Variants in BMPR2 observed in about 807,000 individuals in gnomAD.
The protein encoded by BMPR2 is bone morphogenetic protein receptor type-2.
In BMPR2, 29 loss-of-function variants were observed where a neutral mutation model predicts 100.8. That is an observed-to-expected ratio of 0.29 (90% CI 0.21 to 0.39). The LOEUF is 0.39. Among genes scored for constraint, BMPR2 ranks in the 10% least tolerant of loss-of-function variants. The pLI, the probability that BMPR2 is intolerant of heterozygous loss-of-function variation, is 1.00. For synonymous variants in BMPR2, 382 were observed against 442.3 expected (o/e 0.86, Z 1.71); for missense variants, 1,011 against 1,274.5 (o/e 0.79, Z 3.15).
chr2:202,391,549 C>G (rs1391026100), intron 1 of BMPR2, among the ~76,000 whole-genome samples: 2 of 150,424 alleles, frequency 1.3e-5, no homozygotes, highest in Non-Finnish European at 2.9e-5. Context: ...GCCTTGGCGT[C>G]CCAAAGTCCT....
chr2:202,556,943 C>T (rs975944370), intron 12 of BMPR2, among the ~76,000 whole-genome samples: 7 of 151,642 alleles, frequency 4.6e-5, no homozygotes, highest in East Asian at 1.9e-4. Context: ...ATTAGCCAGG[C>T]GTGGTGGCGT....
chr2:202,450,623 G>A (rs561742424), intron 1 of BMPR2, among the ~76,000 whole-genome samples: 1 of 151,068 alleles, frequency 6.6e-6, no homozygotes, highest in South Asian at 2.1e-4. Flanking sequence ...CCTGGGAGGC[G>A]GAGGTTGCAG....
chr2:202,401,758 C>A (rs1690772795), intron 1 of BMPR2, among the ~76,000 whole-genome samples: 1 of 152,174 alleles, frequency 6.6e-6, no homozygotes, highest in African/African-American at 2.4e-5. Context: ...ATTAAGGAAT[C>A]ATGCAGCATC....
At position 202,436,825 on chromosome 2, in the gene BMPR2, C is replaced by T. The variant is rs1302626264; in HGVS notation, c.77-27984C>T. Among the ~76,000 whole-genome samples the T allele has an allele frequency of 4.0e-5, 6 of 150,608 alleles. 1 individual carries two copies. Among genetic ancestry groups the T allele is most frequent in the African/African-American group, 1.5e-4 (6 of 39,984 alleles). ...CTCAGCCCGAATTGGCTTTGTTAAA[C>T]TTGGAAGTTTTTCAAGAAACATGAC... On this transcript the variant is annotated intron_variant, in intron 1 of 12. Coordinates refer to ENST00000374580, the MANE Select transcript of BMPR2 (RefSeq NM_001204.7).
At chr2:202,476,015 A>C (rs1021598862) in intron 3 of BMPR2, among the ~76,000 whole-genome samples, 3 of 148,968 alleles carry the variant, frequency 2.0e-5, no homozygotes, top group Non-Finnish European at 4.4e-5. Flanking sequence ...CGGAGGTTGC[A>C]GTGAGCCAAG....
intron 3 of BMPR2, 110 bp downstream of exon 3, chr2:202,467,799 C>A: frequency 8.7e-7 from 1 of 1,149,486 alleles, no homozygotes; most frequent in Non-Finnish European, 1.3e-6. Flanking sequence ...TGGCTCATGC[C>A]TGTAATGCCA....
chr2:202,521,442 C>T (rs1687817917), intron 7 of BMPR2, among the ~76,000 whole-genome samples: 1 of 151,982 alleles, frequency 6.6e-6, no homozygotes, highest in Non-Finnish European at 1.5e-5. Context: ...TGGCATGCAC[C>T]TGTAGTCGCA....
chr2:202,390,442 C>T (rs542650547), intron 1 of BMPR2, among the ~76,000 whole-genome samples: 1 of 151,792 alleles, frequency 6.6e-6, no homozygotes, highest in African/African-American at 2.4e-5. Context: ...AAGCCATCCT[C>T]CTGCCTCAGC....
chr2:202,405,735 G>C (rs1259949325), intron 1 of BMPR2, among the ~76,000 whole-genome samples: 2 of 148,648 alleles, frequency 1.3e-5, no homozygotes, highest in Non-Finnish European at 3.0e-5. Flanking sequence ...GCTGCTAAAG[G>C]TACTAAAATA....
At chr2:202,520,268 T>C (rs778763656) in intron 7 of BMPR2, 67 bp downstream of exon 7, 26 of 1,027,482 alleles carry the variant, frequency 2.5e-5, no homozygotes, top group Non-Finnish European at 3.5e-5. Context: ...AAATTTTAAT[T>C]ATATCTTCAA....
intron 12 of BMPR2, among the ~76,000 whole-genome samples, chr2:202,559,176 C>T (rs2105715611): frequency 6.6e-6 from 1 of 152,012 alleles, no homozygotes; most frequent in Non-Finnish European, 1.5e-5. Context: ...GTGGCATGCG[C>T]CTGTAGTCCC....
chr2:202,501,946 C>T (rs758212569), intron 3 of BMPR2, among the ~76,000 whole-genome samples: 1 of 152,156 alleles, frequency 6.6e-6, no homozygotes. Context: ...ACCTATATAA[C>T]GATGGAAGTT....
At chr2:202,378,769 T>G (rs1690211091) in intron 1 of BMPR2, among the ~76,000 whole-genome samples, 1 of 152,308 alleles carries the variant, frequency 6.6e-6, no homozygotes, top group Admixed American at 6.5e-5. Flanking sequence ...GCTTTCAGAG[T>G]AAAAATGATT....
At chr2:202,515,144 A>G (rs1687690446) in intron 5 of BMPR2, among the ~76,000 whole-genome samples, 165 bp downstream of exon 5, 1 of 152,200 alleles carries the variant, frequency 6.6e-6, no homozygotes, top group Non-Finnish European at 1.5e-5. Context: ...ATAGGTGAAC[A>G]ATGTCTCCTG....
chr2:202,432,873 T>C (rs1013193800), intron 1 of BMPR2, among the ~76,000 whole-genome samples: 1 of 150,610 alleles, frequency 6.6e-6, no homozygotes, highest in Admixed American at 6.6e-5. Context: ...TTGTTGTCGT[T>C]GTTGTTAACT....
In BMPR2 at chr2:202,523,829, G is replaced by A. The variant is rs1447165014; in HGVS notation, c.967+3628G>A. Among the ~76,000 whole-genome samples the A allele has an allele frequency of 3.3e-5, 5 of 151,094 alleles. No homozygotes were observed. In the South Asian group the frequency reaches 6.3e-4, roughly 19 times the overall value. On this transcript the variant is annotated intron_variant, in intron 7 of 12. Transcript: ENST00000374580. ...CAAAAAGAAAAAAGAAAAAGAAAATGTGTTACACATACACCATCGAGTACT... is the reference window on the plus strand; with the variant it reads ...CAAAAAGAAAAAAGAAAAAGAAAATATGTTACACATACACCATCGAGTACT...
intron 7 of BMPR2, among the ~76,000 whole-genome samples, chr2:202,528,785 TG>T (rs1687964963): frequency 6.6e-6 from 1 of 152,236 alleles, no homozygotes; most frequent in Admixed American, 6.5e-5. Context: ...TTCCCACCAC[TG>T]TAAAGTTGAG....
chr2:202,546,185 C>A (rs1238106212), intron 10 of BMPR2, among the ~76,000 whole-genome samples: 2 of 152,164 alleles, frequency 1.3e-5, no homozygotes, highest in African/African-American at 4.8e-5. Context: ...CAATAAACTG[C>A]TTCTCTGCAG....
chr2:202,515,570 A>AC (rs1687697971), intron 5 of BMPR2, among the ~76,000 whole-genome samples: 1 of 149,742 alleles, frequency 6.7e-6, no homozygotes, highest in Non-Finnish European at 1.5e-5. Context: ...AAACTCTGCC[A>AC]CAAAAAAAAA....
Sources: gnomAD v4.1 joint callset for allele counts (sites outside exome capture counted in the v4.1 genomes callset) on GRCh38, gnomAD v4.1.1 for gene constraint, MANE v1.5 for transcripts, NCBI Gene and HGNC (gene_info 2026-07-23, HGNC 2026-07-21) for gene names.